The following PRSS23 variants were observed in gnomAD, a reference collection of about 807,000 sequenced individuals.
PRSS23 encodes the protein protease, serine 23.
In PRSS23, 25 loss-of-function variants were observed where a neutral mutation model predicts 34.7. The observed-to-expected ratio is 0.72, with a 90% confidence interval of 0.53 to 1.01. The LOEUF (loss-of-function observed/expected upper bound fraction) is 1.01. Among genes scored for constraint, PRSS23 ranks in the 50% least tolerant of loss-of-function variants. The pLI is 0.00. For synonymous variants in PRSS23, 176 were observed against 186.6 expected (o/e 0.94, Z 0.46); for missense variants, 445 against 475.6 (o/e 0.94, Z 0.60).
intron 2 of PRSS23, among the ~76,000 whole-genome samples, chr11:86,875,606 AC>A (rs1471200814): frequency 2.0e-5 from 3 of 152,122 alleles, no homozygotes; most frequent in Non-Finnish European, 2.9e-5. Flanking sequence ...AAGACCACTA[AC>A]TTTTTCTGCA....
intron 2 of PRSS23, among the ~76,000 whole-genome samples, chr11:86,893,505 G>C (rs543499534): frequency 2.2e-4 from 33 of 152,274 alleles, no homozygotes; most frequent in African/African-American, 6.7e-4. Context: ...TCTCATTAAG[G>C]ATGAATGATG....
chr11:86,828,895 T>A (rs573757945), intron 2 of PRSS23, among the ~76,000 whole-genome samples: 5 of 152,344 alleles, frequency 3.3e-5, no homozygotes, highest in African/African-American at 1.2e-4. Flanking sequence ...CGTTTGTGGG[T>A]AACCCAACCT....
At chr11:86,852,640 T>G (rs978051349) in intron 2 of PRSS23, among the ~76,000 whole-genome samples, 20 of 152,196 alleles carry the variant, frequency 1.3e-4, no homozygotes, top group African/African-American at 4.8e-4. Context: ...AGTTTACAGT[T>G]TAATGACATT....
At chr11:86,875,096 C>A (rs922327820) in intron 2 of PRSS23, among the ~76,000 whole-genome samples, 3 of 152,210 alleles carry the variant, frequency 2.0e-5, no homozygotes, top group Non-Finnish European at 4.4e-5. Context: ...AAAAGTTACC[C>A]AGTCTCACAA....
rs867644985 is a variant in PRSS23 at position 86,826,088 on chromosome 11, G to A, written c.206+2495G>A. On this transcript the variant is annotated intron_variant, in intron 2 of 2. Transcript: ENST00000533902. ...CCTTGGGCCGTATGGCCATTTTCAC[G>A]ATATTGATTCTTCCTACCCATGAGC... is the stretch of plus-strand genomic sequence containing the variant. 6.6e-5 allele frequency among the ~76,000 whole-genome samples: 10 copies of A among 152,098 alleles called. 1 individual carries two copies. The Middle Eastern group carries it at 0.02, about 310-fold the overall frequency.
chr11:86,942,727 A>G (rs1020733739), intron 2 of PRSS23, among the ~76,000 whole-genome samples: 14 of 152,226 alleles, frequency 9.2e-5, no homozygotes, highest in Non-Finnish European at 1.8e-4. Context: ...TGACTGAAGG[A>G]AAAAAACAGG....
intron 2 of PRSS23, among the ~76,000 whole-genome samples, chr11:86,901,994 G>A (rs539129872): frequency 1.3e-5 from 2 of 152,244 alleles, no homozygotes; most frequent in Admixed American, 1.3e-4. Context: ...ATCCTTCAAG[G>A]TAGAAACTGG....
In PRSS23 at chr11:86,887,408, C is replaced by CA. The variant is rs1181620385; in HGVS notation, c.207-63804dup. 5.9e-4 allele frequency among the ~76,000 whole-genome samples: 55 copies of CA among 92,612 alleles called. 1 individual carries two copies. The highest frequency in any genetic ancestry group is 1.5e-3 in the African/African-American group (35 of 23,440). 60.8% of individuals were successfully genotyped at this position (92,612 alleles called of 152,430 possible). A position where few individuals can be genotyped will look rare whatever the true frequency, so the allele number is the denominator to read the frequency against. On this transcript the variant is annotated intron_variant, in intron 2 of 2. Coordinates refer to the PRSS23 transcript ENST00000533902. ...AAAAACAGTCAGGAAAAAAACAAAA[C>CA]AAAACAAAAAAAAAAAAACAGAAGC...
At chr11:86,892,720 TATTA>T (rs1948849769) in intron 2 of PRSS23, among the ~76,000 whole-genome samples, 1 of 133,354 alleles carries the variant, frequency 7.5e-6, no homozygotes, top group Non-Finnish European at 1.8e-5. Context: ...ATTTTATACT[TATTA>T]ATTATTAATA....
intron 2 of PRSS23, among the ~76,000 whole-genome samples, chr11:86,835,758 G>A (rs969342399): frequency 2.8e-4 from 43 of 152,192 alleles, no homozygotes; most frequent in African/African-American, 9.9e-4. Context: ...CCTGTGAGCA[G>A]AGCTGAGCCT....
At chr11:86,917,047 C>T (rs11234873) in intron 2 of PRSS23, among the ~76,000 whole-genome samples, 10,507 of 152,270 alleles carry the variant, frequency 0.069, 373 homozygotes, top group Non-Finnish European at 0.072. Context: ...GAGCCGGGCG[C>T]GGTCGCTCAC....
At chr11:86,884,765 G>C (rs1282583135) in intron 2 of PRSS23, among the ~76,000 whole-genome samples, 1 of 152,128 alleles carries the variant, frequency 6.6e-6, no homozygotes, top group East Asian at 1.9e-4. Context: ...ATCTTACTCT[G>C]TTCATCCAGA....
intron 2 of PRSS23, among the ~76,000 whole-genome samples, chr11:86,901,254 G>A (rs11604650): frequency 0.039 from 5,945 of 152,178 alleles, 142 homozygotes; most frequent in Non-Finnish European, 0.054. Flanking sequence ...ACCTCATGGG[G>A]ACATTGACCA....
intron 2 of PRSS23, among the ~76,000 whole-genome samples, chr11:86,841,597 G>C (rs1948449208): frequency 1.3e-5 from 2 of 152,088 alleles, no homozygotes; most frequent in Non-Finnish European, 2.9e-5. Context: ...AAATGATAAT[G>C]GAGATATCAC....
intron 2 of PRSS23, among the ~76,000 whole-genome samples, chr11:86,873,634 G>A (rs75714561): frequency 0.015 from 2,287 of 152,162 alleles, 17 homozygotes; most frequent in Middle Eastern, 0.024. Context: ...CCAGAGATGG[G>A]CATCTAACCC....
At chr11:86,918,073 A>T (rs1292768434) in intron 2 of PRSS23, among the ~76,000 whole-genome samples, 1 of 152,248 alleles carries the variant, frequency 6.6e-6, no homozygotes, top group African/African-American at 2.4e-5. Flanking sequence ...TGAGGCCTAT[A>T]GCTCTCACAT....
upstream of PRSS23, among the ~76,000 whole-genome samples, chr11:86,797,357 C>T (rs543116459): frequency 2.6e-5 from 4 of 152,346 alleles, no homozygotes; most frequent in East Asian, 5.8e-4. Context: ...GTTCTATCAT[C>T]GTCCTTATGG....
chr11:86,827,979 G>T (rs1310960360), intron 2 of PRSS23, among the ~76,000 whole-genome samples: 1 of 152,166 alleles, frequency 6.6e-6, no homozygotes, highest in African/African-American at 2.4e-5. Flanking sequence ...TGTTGATTTG[G>T]GGTGGAGAGT....
chr11:86,838,405 G>A (rs1948422995), intron 2 of PRSS23, among the ~76,000 whole-genome samples: 1 of 152,192 alleles, frequency 6.6e-6, no homozygotes, highest in Non-Finnish European at 1.5e-5. Flanking sequence ...GCAGCTTGAT[G>A]GGGAGAGGGG....
Sources: allele counts gnomAD v4.1 joint callset (sites outside exome capture counted in the v4.1 genomes callset), GRCh38; gene constraint gnomAD v4.1.1; transcripts MANE v1.5; gene names NCBI Gene and HGNC (gene_info 2026-07-23, HGNC 2026-07-21).